RIMOC1: variants seen among roughly 807,000 people sequenced by gnomAD.
RIMOC1 encodes RAB7A-interacting MON1-CCZ1 complex subunit 1.
At chr5:41,907,981 A>T in the RIMOC1 span, 1 of 624,776 alleles carries the variant, frequency 1.6e-6, no homozygotes, top group East Asian at 3.0e-5. Flanking sequence ...CTATGAATAA[A>T]ACACAAAAAC....
At chr5:41,913,970 A>G in the RIMOC1 span, among the ~76,000 whole-genome samples, 1 of 152,192 alleles carries the variant, frequency 6.6e-6, no homozygotes, top group Non-Finnish European at 1.5e-5. Flanking sequence ...GCTTTTAAAA[A>G]ATTTCTATTT....
chr5:41,909,717 T>G, the RIMOC1 span: 1 of 1,467,528 alleles, frequency 6.8e-7, no homozygotes, highest in Non-Finnish European at 9.2e-7. Flanking sequence ...AAGTCATTGA[T>G]AGATATCTTT....
At chr5:41,919,140 T>C in the RIMOC1 span, 1 of 152,204 alleles carries the variant, frequency 6.6e-6, no homozygotes, top group Non-Finnish European at 1.5e-5. Flanking sequence ...AAACCTTGTT[T>C]CTAACTGTCT....
the RIMOC1 span, among the ~76,000 whole-genome samples, chr5:41,905,901 A>G: frequency 2.0e-5 from 3 of 152,206 alleles, no homozygotes; most frequent in African/African-American, 4.8e-5. Context: ...TAAAATGACA[A>G]TGTTAGTGGT....
the RIMOC1 span, among the ~76,000 whole-genome samples, chr5:41,913,086 C>G: frequency 6.6e-6 from 1 of 152,128 alleles, no homozygotes; most frequent in African/African-American, 2.4e-5. Context: ...TGCTTTTATT[C>G]TCAGTATCCC....
the RIMOC1 span, among the ~76,000 whole-genome samples, chr5:41,904,801 A>T: frequency 2.6e-5 from 4 of 152,240 alleles, no homozygotes. Context: ...GCTAAGATGA[A>T]TGATAACACT....
chr5:41,911,008 A>G, the RIMOC1 span: 8 of 1,590,966 alleles, frequency 5.0e-6, no homozygotes, highest in Admixed American at 5.5e-5. Context: ...ATAGACATCC[A>G]GTTTCCCTTT....
the RIMOC1 span, among the ~76,000 whole-genome samples, chr5:41,906,591 T>C: frequency 6.6e-6 from 1 of 152,216 alleles, no homozygotes; most frequent in African/African-American, 2.4e-5. Flanking sequence ...TTCTACATTG[T>C]GTGGATGTCA....
the RIMOC1 span, chr5:41,916,938 T>C: frequency 4.4e-5 from 58 of 1,303,402 alleles, no homozygotes; most frequent in Non-Finnish European, 5.6e-5. Context: ...AAAGGAACTT[T>C]AATTAGAGTT....
At chr5:41,916,968 C>T in the RIMOC1 span, 1 of 1,475,278 alleles carries the variant, frequency 6.8e-7, no homozygotes, top group African/African-American at 1.4e-5. Flanking sequence ...ACTACGGTTT[C>T]TTTTTAAGCT....
At chr5:41,917,109 A>C in the RIMOC1 span, 2 of 1,613,744 alleles carry the variant, frequency 1.2e-6, no homozygotes, top group African/African-American at 1.3e-5. Context: ...CAACCAGAAA[A>C]TCATGAAGTG....
the RIMOC1 span, chr5:41,908,376 G>T: frequency 6.6e-6 from 1 of 152,360 alleles, no homozygotes; most frequent in Admixed American, 6.6e-5. Context: ...CTAACATCAA[G>T]AAATGTAATT....
At chr5:41,908,775 A>T in the RIMOC1 span, among the ~76,000 whole-genome samples, 1 of 152,284 alleles carries the variant, frequency 6.6e-6, no homozygotes, top group East Asian at 1.9e-4. Flanking sequence ...TTACTGGAAT[A>T]AGGCAAAAGA....
chr5:41,909,921 T>G, the RIMOC1 span: 6 of 1,522,032 alleles, frequency 3.9e-6, no homozygotes, highest in Admixed American at 1.0e-4. Flanking sequence ...TTAATTATGA[T>G]GGAATATTGC....
At chr5:41,916,719 CAAAG>C in the RIMOC1 span, among the ~76,000 whole-genome samples, 3 of 152,022 alleles carry the variant, frequency 2.0e-5, no homozygotes, top group African/African-American at 7.2e-5. Flanking sequence ...ATTAGATTCT[CAAAG>C]AAGTTATAGA....
At chr5:41,918,531 G>T in the RIMOC1 span, 5 of 985,138 alleles carry the variant, frequency 5.1e-6, no homozygotes, top group Non-Finnish European at 6.0e-6. Flanking sequence ...TAGTCCTTTG[G>T]CAAGCCCTCA....
the RIMOC1 span, chr5:41,918,134 C>G: frequency 1.0e-6 from 1 of 985,640 alleles, no homozygotes; most frequent in Non-Finnish European, 1.2e-6. Context: ...TTCTGTCTAC[C>G]TCAACTCCTG....
the RIMOC1 span, among the ~76,000 whole-genome samples, chr5:41,909,586 A>G: frequency 6.6e-6 from 1 of 152,126 alleles, no homozygotes; most frequent in Non-Finnish European, 1.5e-5. Context: ...CTCAAATTAT[A>G]TTTACATCTA....
At chr5:41,904,582 G>A in the RIMOC1 span, 1 of 973,746 alleles carries the variant, frequency 1.0e-6, no homozygotes, top group Non-Finnish European at 1.6e-6. Flanking sequence ...CCAGGCCGCA[G>A]GTGGTTACCC....
Sources: allele counts gnomAD v4.1 joint callset (sites outside exome capture counted in the v4.1 genomes callset), GRCh38; gene constraint gnomAD v4.1.1; transcripts MANE v1.5; gene names NCBI Gene and HGNC (gene_info 2026-07-23, HGNC 2026-07-21).